The following MDN1 variants were observed in gnomAD, a reference collection of about 807,000 sequenced individuals.
MDN1 encodes the protein midasin AAA ATPase 1.
A neutral mutation model predicts 669.2 loss-of-function variants in MDN1; 266 were observed. The observed-to-expected ratio is 0.40, with a 90% CI of 0.36 to 0.44. MDN1 has a LOEUF of 0.44. Ranked by LOEUF, MDN1 falls within the 20% of genes least tolerant of loss-of-function variation. The pLI is 1.00. For synonymous variants in MDN1, 2,385 were observed against 2,457.1 expected, an observed-to-expected ratio of 0.97 and a Z score of 0.87; for missense variants, 5,940 against 6,754.0, an observed-to-expected ratio of 0.88 and a Z score of 4.22.
chr6:89,764,412 G>C (rs371434060), intron 15 of MDN1, among the ~76,000 whole-genome samples: 260 of 152,164 alleles, frequency 1.7e-3, no homozygotes, highest in African/African-American at 5.9e-3. Flanking sequence ...CGACACCACC[G>C]TGGGCAACAT....
At chr6:89,817,251 G>A (rs568139024) in intron 1 of MDN1, among the ~76,000 whole-genome samples, 1 of 152,310 alleles carries the variant, frequency 6.6e-6, no homozygotes. Context: ...TGTGTCATGA[G>A]CCATGGTCAC....
chr6:89,677,739 G>T (rs1468340816), intron 75 of MDN1, 43 bp from the exon 76 acceptor site: 2 of 1,611,908 alleles, frequency 1.2e-6, no homozygotes, highest in African/African-American at 1.3e-5. Context: ...ATGCTTAGTA[G>T]AGAATGGATG....
At chr6:89,788,854 G>C (rs563188232) in intron 7 of MDN1, among the ~76,000 whole-genome samples, 1 of 152,128 alleles carries the variant, frequency 6.6e-6, no homozygotes, top group Non-Finnish European at 1.5e-5. Flanking sequence ...GGCCGGGCGC[G>C]GTGGCTCACG....
intron 31 of MDN1, 78 bp downstream of exon 31, chr6:89,743,072 G>A (rs1816375374): frequency 6.5e-7 from 1 of 1,539,794 alleles, no homozygotes; most frequent in South Asian, 1.2e-5. Context: ...GACAGAGTGA[G>A]AACACTGTCT....
At position 89,662,216 on chromosome 6, in the gene MDN1, T is replaced by G. The variant is rs772352965; in HGVS notation, c.14436A>C (p.Lys4812Asn). 4 of 1,611,904 alleles carry G rather than the reference T, an allele frequency of 2.5e-6. No individual in the cohort carries two copies. Among genetic ancestry groups the G allele is most frequent in the Non-Finnish European group, 3.4e-6 (4 of 1,179,588 alleles). Residue 4812 changes from lysine (K) to asparagine (N), a missense_variant, in exon 87 of 102, where the codon AAA becomes AAC. Transcript: ENST00000369393. ...AATTGCCACTATCCAAGTTGTCATC[T>G]TTAGCAACAAGTTCAGAATCTTCCT... ...MDEEDSELVAKDDNLDSGNSN... is the reference protein window; with the variant it reads ...MDEEDSELVANDDNLDSGNSN...
chr6:89,783,586 T>C (rs1202411332), intron 9 of MDN1, among the ~76,000 whole-genome samples: 1 of 152,184 alleles, frequency 6.6e-6, no homozygotes, highest in Non-Finnish European at 1.5e-5. Context: ...AAACCCTTAT[T>C]AGTAGTTCTG....
In MDN1 at chr6:89,819,765, G is replaced by A. The variant is rs1419967935; in HGVS notation, c.-158C>T. The A allele has an allele frequency of 4.8e-6, 3 of 626,472 alleles. No homozygotes were observed. Among genetic ancestry groups the A allele is most frequent in the Admixed American group, 5.3e-5 (2 of 37,686 alleles). The allele number at this position is 626,472 out of a possible 1,614,324, so 38.8% of individuals were successfully genotyped here. A position where few individuals can be genotyped will look rare whatever the true frequency, so the allele number is the denominator to read the frequency against. On this transcript the variant is annotated 5_prime_UTR_variant, in exon 1 of 102. It adds an upstream start codon to the 5' untranslated region. Coordinates refer to ENST00000369393, the MANE Select transcript of MDN1 (RefSeq NM_014611.3). ...CTACACCGGGAGAGGGGCACCACAC[G>A]TGGGTGAGCACACGGCGTTTGACGT...
At chr6:89,651,455 A>C (rs892406820) in intron 95 of MDN1, among the ~76,000 whole-genome samples, 1 of 152,050 alleles carries the variant, frequency 6.6e-6, no homozygotes, top group Non-Finnish European at 1.5e-5. Context: ...TCTCTACTAA[A>C]ATACAAAAAA....
chr6:89,751,195 G>T (rs1018768334), intron 23 of MDN1, among the ~76,000 whole-genome samples: 5 of 152,090 alleles, frequency 3.3e-5, no homozygotes, highest in African/African-American at 1.2e-4. Context: ...AATAACAAAA[G>T]ATAACTTTAA....
intron 18 of MDN1, 39 bp downstream of exon 18, chr6:89,758,777 C>T (rs764296339): frequency 6.2e-7 from 1 of 1,611,412 alleles, no homozygotes; most frequent in South Asian, 1.1e-5. Context: ...GGCCACAGGG[C>T]TTGACACCAA....
Position 89,753,657 on chromosome 6 carries a change from T to C in MDN1, c.2965-35A>G, listed in dbSNP as rs1472025303. 2.7e-6 allele frequency: 4 copies of C among 1,498,332 alleles called. No individual in the cohort carries two copies. The South Asian group carries it at 4.5e-5, about 17-fold the overall frequency. The allele number at this position is 1,498,332 out of a possible 1,614,324, so 92.8% of individuals were successfully genotyped here. On this transcript the variant is annotated intron_variant, in intron 21 of 101. Coordinates refer to ENST00000369393, the MANE Select transcript of MDN1 (RefSeq NM_014611.3). ...AAAGACAAATATGCATAATGCTAAA[T>C]AACCTTCTGCAATACAACCAAACTT...
chr6:89,811,534 G>A (rs1345303705), intron 1 of MDN1, among the ~76,000 whole-genome samples: 4 of 151,660 alleles, frequency 2.6e-5, no homozygotes, highest in Admixed American at 2.0e-4. Context: ...CGTCCCTCTC[G>A]GGTTCAGTTC....
chr6:89,781,110 C>A, intron 10 of MDN1: 1 of 392,166 alleles, frequency 2.5e-6, no homozygotes, highest in Non-Finnish European at 4.7e-6. Context: ...TTAGGAGCCA[C>A]TCCCAAGTTG....
In MDN1 at chr6:89,673,657, T is replaced by C. The variant is rs532957498; in HGVS notation, c.13248-195A>G. ...CTGAAGCACAATTATTTTCATAATTTGATTCTATTACTAAACACCTAGGTT... is the reference window on the plus strand; with the variant it reads ...CTGAAGCACAATTATTTTCATAATTCGATTCTATTACTAAACACCTAGGTT... On this transcript the variant is annotated intron_variant, in intron 79 of 101. Transcript: ENST00000369393. 1.3e-3 allele frequency: 743 copies of C among 574,846 alleles called. 9 individuals are homozygous for C. Among genetic ancestry groups the C allele is most frequent in the African/African-American group, 0.012 (662 of 53,624 alleles). The allele number at this position is 574,846 out of a possible 1,614,324, so 35.6% of individuals were successfully genotyped here.
chr6:89,803,592 T>G, intron 1 of MDN1, 38 bp from the exon 2 acceptor site: 2 of 1,499,626 alleles, frequency 1.3e-6, no homozygotes, highest in Non-Finnish European at 1.8e-6. Context: ...CACTTTTTTT[T>G]TTTTTTTGAG....
chr6:89,812,208 A>T lies in MDN1; in HGVS notation c.102+7298T>A, dbSNP rs191799622. ...ACTATGTTGGCCAGGCTGGTCTCAA[A>T]CTCCTGACCTCGTGATTCGCCCACC... On this transcript the variant is annotated intron_variant, in intron 1 of 101. Coordinates refer to ENST00000369393, the MANE Select transcript of MDN1 (RefSeq NM_014611.3). 4.0e-4 allele frequency among the ~76,000 whole-genome samples: 60 copies of T among 150,342 alleles called. 1 individual carries two copies. The highest frequency in any genetic ancestry group is 1.3e-3 in the Admixed American group (19 of 15,138).
rs1817397907 is a variant in MDN1 at position 89,758,959 on chromosome 6, C to G, written c.2462G>C (p.Gly821Ala). 4 of 1,612,718 alleles carry G rather than the reference C, an allele frequency of 2.5e-6. No individual in the cohort carries two copies. Among genetic ancestry groups the G allele is most frequent in the East Asian group, 2.2e-5 (1 of 44,870 alleles). ...TTTCTTTACAGCCTGAGCTAATGTA[C>G]CCTAGAAAAAGATAAAATAAAATGT... is the stretch of plus-strand genomic sequence containing the variant. ...ENTLLFAFVEGTLAQAVKKGE... is the reference protein window; with the variant it reads ...ENTLLFAFVEATLAQAVKKGE... The change falls in exon 18 of 102, where the codon GGT (glycine) becomes GCT (alanine). Residue 821 changes from glycine to alanine, a missense_variant and splice_region_variant. Physicochemically the swap from Gly to Ala is moderately conservative, Grantham distance 60. Transcript: ENST00000369393.
intron 1 of MDN1, among the ~76,000 whole-genome samples, chr6:89,812,032 G>C (rs1768452093): frequency 6.6e-6 from 1 of 151,588 alleles, no homozygotes; most frequent in African/African-American, 2.4e-5. Context: ...TATTGCCCTG[G>C]CTGGAGTGCA....
At chr6:89,752,682 C>T (rs930089150) in intron 22 of MDN1, among the ~76,000 whole-genome samples, 1 of 152,184 alleles carries the variant, frequency 6.6e-6, no homozygotes, top group South Asian at 2.1e-4. Flanking sequence ...TTATACCTAA[C>T]TGTGTAGTTA....
Sources: gnomAD v4.1 joint callset for allele counts (sites outside exome capture counted in the v4.1 genomes callset) on GRCh38, gnomAD v4.1.1 for gene constraint, MANE v1.5 for transcripts, NCBI Gene and HGNC (gene_info 2026-07-23, HGNC 2026-07-21) for gene names.